The following NLRP5 variants were observed in gnomAD, a reference collection of about 807,000 sequenced individuals.
The protein encoded by NLRP5 is NLR family pyrin domain containing 5.
NLRP5 carries 93 observed loss-of-function variants against 113.1 expected under a neutral mutation model. The ratio of observed to expected loss-of-function variants is 0.82; its 90% CI spans 0.70 to 0.98. The LOEUF (loss-of-function observed/expected upper bound fraction) is 0.98, where lower values mean the gene tolerates loss of function less well. Among genes scored for constraint, NLRP5 ranks in the 50% least tolerant of loss-of-function variants. The pLI is 0.00. For missense variants in NLRP5, 1,808 were observed against 1,514.3 expected (o/e 1.19, Z -3.22); for synonymous variants, 751 against 600.7 (o/e 1.25, Z -3.66).
At chr19:56,030,297 C>T (rs973932253) in intron 7 of NLRP5, among the ~76,000 whole-genome samples, 10 of 151,102 alleles carry the variant, frequency 6.6e-5, no homozygotes, top group Non-Finnish European at 1.2e-4. Context: ...TGGAACCCCG[C>T]GGGCGGAGGT....
rs1319431450 is a variant in NLRP5 at position 56,028,457 on chromosome 19, G to A, written c.2224G>A (p.Gly742Arg). ...GCGGAAAATTCGGGTGGATGTCAAA[G>A]GGATCTTCCCAAGAGATGAGTCCGC... Residue 742 changes from glycine (G) to arginine (R), a missense_variant, in exon 7 of 15, where the codon GGG (glycine) becomes AGG (arginine). Coordinates refer to ENST00000390649, the MANE Select transcript of NLRP5 (RefSeq NM_153447.4). 1.2e-6 allele frequency: 2 copies of A among 1,613,780 alleles called. No individual in the cohort carries two copies. Among genetic ancestry groups the A allele is most frequent in the African/African-American group, 2.7e-5 (2 of 74,934 alleles).
chr19:56,033,043 C>A (rs1246739576), intron 8 of NLRP5, among the ~76,000 whole-genome samples: 1 of 151,728 alleles, frequency 6.6e-6, no homozygotes, highest in African/African-American at 2.4e-5. Context: ...GTCAGGAGTT[C>A]AAGACCAGCC....
chr19:56,015,422 CT>C (rs1169602987), intron 3 of NLRP5, among the ~76,000 whole-genome samples: 1 of 152,192 alleles, frequency 6.6e-6, no homozygotes, highest in African/African-American at 2.4e-5. Context: ...TCTTAAACCC[CT>C]GACCTCAAAA....
At chr19:56,002,515 G>A (rs1981694178) in intron 1 of NLRP5, among the ~76,000 whole-genome samples, 1 of 151,322 alleles carries the variant, frequency 6.6e-6, no homozygotes, top group South Asian at 2.1e-4. Context: ...TGCACAACGT[G>A]CAGGTTTGTT....
At chr19:56,054,170 C>T (rs918246397) in intron 13 of NLRP5, among the ~76,000 whole-genome samples, 2 of 152,150 alleles carry the variant, frequency 1.3e-5, no homozygotes, top group African/African-American at 2.4e-5. Flanking sequence ...CAAGTGATTA[C>T]CTGAGTGGTC....
intron 6 of NLRP5, among the ~76,000 whole-genome samples, chr19:56,023,156 T>C (rs886326446): frequency 2.0e-5 from 3 of 152,156 alleles, no homozygotes; most frequent in Non-Finnish European, 2.9e-5. Flanking sequence ...CCCTGAAGTA[T>C]AGACGTGATA....
chr19:56,049,094 G>A (rs1983835130), intron 11 of NLRP5, among the ~76,000 whole-genome samples: 1 of 147,142 alleles, frequency 6.8e-6, no homozygotes, highest in East Asian at 2.0e-4. Flanking sequence ...CAATTCTCCT[G>A]CCTCAGCCTC....
chr19:56,026,872 G>C (rs564371401), intron 6 of NLRP5, 41 bp from the exon 7 acceptor site: 1 of 1,527,640 alleles, frequency 6.5e-7, no homozygotes, highest in Non-Finnish European at 8.8e-7. Flanking sequence ...CACTGTGCCT[G>C]GTCTGTTTCC....
chr19:56,050,469 G>C lies in NLRP5; in HGVS notation c.3009G>C (p.Ala1003=). The C allele has an allele frequency of 6.2e-7, 1 of 1,613,840 alleles. No individual in the cohort carries two copies. Among genetic ancestry groups the C allele is most frequent in the African/African-American group, 1.3e-5 (1 of 75,010 alleles). ...CTGGCTGTGGTTTTCTTGCACTTGC[G>C]CTTATGGGTAACTCATGGCTGACGC... Residue 1003 remains alanine, a synonymous_variant, in exon 12 of 15, where the codon GCG becomes GCC. Coordinates refer to ENST00000390649, the MANE Select transcript of NLRP5 (RefSeq NM_153447.4).
In NLRP5 at chr19:56,032,455, T is replaced by C. The variant is rs57910866; in HGVS notation, c.2277-156T>C. Among the ~76,000 whole-genome samples, 761 of 152,062 alleles carry C rather than the reference T, an allele frequency of 5.0e-3. 5 individuals are homozygous for C. Among genetic ancestry groups the C allele is most frequent in the African/African-American group, 0.018 (726 of 41,470 alleles). On this transcript the variant is annotated intron_variant, in intron 7 of 14. Transcript: ENST00000390649. The stretch of plus-strand genomic sequence containing the variant: ...GGCAGGGTGGACACCGGGCTAGTCA[T>C]GCAAAGTGTGATGGCAGCCGCTAAG...
chr19:56,033,144 G>T (rs899449400), intron 8 of NLRP5, among the ~76,000 whole-genome samples: 1 of 152,152 alleles, frequency 6.6e-6, no homozygotes, highest in Non-Finnish European at 1.5e-5. Context: ...CCAGCTACTT[G>T]GGAGGCTGAG....
intron 2 of NLRP5, among the ~76,000 whole-genome samples, chr19:56,005,642 A>ACGCGCGCG (rs147680527): frequency 1.8e-4 from 25 of 142,122 alleles, no homozygotes; most frequent in African/African-American, 4.9e-4. Flanking sequence ...ACACACACAC[A>ACGCGCGCG]CGCGCGCAGG....
At chr19:56,059,017 G>C (rs1402777368) in intron 14 of NLRP5, among the ~76,000 whole-genome samples, 1 of 152,210 alleles carries the variant, frequency 6.6e-6, no homozygotes, top group Non-Finnish European at 1.5e-5. Context: ...GAAATTCATA[G>C]AGACAGAATG....
intron 3 of NLRP5, among the ~76,000 whole-genome samples, chr19:56,010,672 G>C (rs1455880403): frequency 2.1e-5 from 3 of 146,204 alleles, no homozygotes; most frequent in Non-Finnish European, 3.0e-5. Flanking sequence ...AGAATCACTT[G>C]AACCCAGGAG....
chr19:56,031,067 AACGTGGGAAGGTATACACTCAGAC>A (rs72128315), intron 7 of NLRP5, among the ~76,000 whole-genome samples: 39,135 of 151,728 alleles, frequency 0.26, 5,808 homozygotes, highest in Non-Finnish European at 0.33. Flanking sequence ...CCTGTTCACA[AACGTGGGAAGGTATACACTCAGAC>A]ACGTGGGAAG....
At chr19:56,060,586 G>T (rs553914221) in intron 14 of NLRP5, among the ~76,000 whole-genome samples, 1 of 152,004 alleles carries the variant, frequency 6.6e-6, no homozygotes, top group Non-Finnish European at 1.5e-5. Flanking sequence ...CCTATAACAC[G>T]ACCCGGCACA....
At chr19:55,996,342 T>C (rs565679076), upstream of NLRP5, among the ~76,000 whole-genome samples, 2 of 152,312 alleles carry the variant, frequency 1.3e-5, no homozygotes, top group Non-Finnish European at 2.9e-5. Context: ...TGTTGAATTT[T>C]TTTTTCTTTG....
At chr19:56,047,229 G>C (rs1011893454) in intron 11 of NLRP5, among the ~76,000 whole-genome samples, 1 of 151,932 alleles carries the variant, frequency 6.6e-6, no homozygotes, top group South Asian at 2.1e-4. Context: ...TTTTGTTTCA[G>C]TTTCACTTAA....
chr19:56,007,822 C>A (rs980759120), intron 2 of NLRP5, among the ~76,000 whole-genome samples: 1 of 150,480 alleles, frequency 6.6e-6, no homozygotes, highest in Non-Finnish European at 1.5e-5. Flanking sequence ...GATGATGGCA[C>A]AGAAAGAAGT....
Sources: gnomAD v4.1 joint callset for allele counts (sites outside exome capture counted in the v4.1 genomes callset) on GRCh38, gnomAD v4.1.1 for gene constraint, MANE v1.5 for transcripts, NCBI Gene and HGNC (gene_info 2026-07-23, HGNC 2026-07-21) for gene names.